Variants in BCAR3 observed in about 807,000 individuals in gnomAD.
The protein encoded by BCAR3 is breast cancer anti-estrogen resistance protein 3.
Under a neutral mutation model 80.1 loss-of-function variants are expected in BCAR3, and 37 were observed. That is an observed-to-expected ratio of 0.46 (90% confidence interval 0.36 to 0.61). The LOEUF is 0.61. BCAR3 is among the 20% of genes least tolerant of loss of function. The pLI is 0.00. For synonymous variants in BCAR3, 389 were observed against 418.9 expected (o/e 0.93, Z 0.87); for missense variants, 978 against 1,068.2 (o/e 0.92, Z 1.18).
At chr1:93,844,995 A>G (rs1395933297) in intron 2 of BCAR3, among the ~76,000 whole-genome samples, 6 of 152,198 alleles carry the variant, frequency 3.9e-5, no homozygotes, top group Non-Finnish European at 7.3e-5. Flanking sequence ...TTTCCATGAT[A>G]CAGGAATTTT....
At chr1:93,617,293 G>C (rs1232248781) in intron 3 of BCAR3, among the ~76,000 whole-genome samples, 2 of 152,186 alleles carry the variant, frequency 1.3e-5, no homozygotes, top group Non-Finnish European at 2.9e-5. Flanking sequence ...AGGGCATGGA[G>C]GGAGATGGCA....
chr1:93,737,158 G>T (rs189922093), intron 2 of BCAR3, among the ~76,000 whole-genome samples: 1 of 152,308 alleles, frequency 6.6e-6, no homozygotes, highest in East Asian at 1.9e-4. Context: ...AGCAATGTAT[G>T]AATTGGAGAG....
intron 2 of BCAR3, among the ~76,000 whole-genome samples, chr1:93,707,331 A>C (rs940543158): frequency 1.3e-5 from 2 of 152,242 alleles, no homozygotes; most frequent in African/African-American, 2.4e-5. Context: ...GAAGTACAGT[A>C]ATTAAATAAA....
At chr1:93,607,921 A>G (rs1278811214) in intron 3 of BCAR3, among the ~76,000 whole-genome samples, 2 of 152,160 alleles carry the variant, frequency 1.3e-5, no homozygotes, top group Non-Finnish European at 2.9e-5. Context: ...TTCGGGCGGA[A>G]TGTTCACCTC....
chr1:93,609,721 C>T (rs1466006111), intron 3 of BCAR3, among the ~76,000 whole-genome samples: 1 of 152,240 alleles, frequency 6.6e-6, no homozygotes, highest in Non-Finnish European at 1.5e-5. Flanking sequence ...CCAGCGGCCA[C>T]TCCCTGTGCT....
At chr1:93,568,512 G>T (rs988165679) in intron 9 of BCAR3, among the ~76,000 whole-genome samples, 22 of 152,098 alleles carry the variant, frequency 1.4e-4, no homozygotes, top group African/African-American at 5.3e-4. Context: ...ATAGAAATCA[G>T]CATTATCATG....
intron 2 of BCAR3, among the ~76,000 whole-genome samples, chr1:93,646,950 TA>T (rs1403333258): frequency 6.6e-6 from 1 of 152,226 alleles, no homozygotes; most frequent in Non-Finnish European, 1.5e-5. Flanking sequence ...TGTAATGGAA[TA>T]AATGCTTACA....
chr1:93,794,275 A>G, intron 2 of BCAR3, among the ~76,000 whole-genome samples: 1 of 59,944 alleles, frequency 1.7e-5, no homozygotes, highest in Non-Finnish European at 2.7e-5. Flanking sequence ...TCCCATTATT[A>G]ATGTGTGGGA....
At chr1:93,819,682 G>A (rs1654145886) in intron 2 of BCAR3, among the ~76,000 whole-genome samples, 1 of 152,190 alleles carries the variant, frequency 6.6e-6, no homozygotes. Context: ...GCTGCTGGGT[G>A]CGAGTATCTT....
intron 2 of BCAR3, among the ~76,000 whole-genome samples, chr1:93,812,587 C>T (rs959402442): frequency 1.3e-5 from 2 of 152,244 alleles, no homozygotes; most frequent in African/African-American, 4.8e-5. Context: ...TCTACCCCAG[C>T]TCCTCTGAAA....
At chr1:93,641,682 A>C (rs1024575705) in intron 3 of BCAR3, among the ~76,000 whole-genome samples, 5 of 152,196 alleles carry the variant, frequency 3.3e-5, no homozygotes, top group Non-Finnish European at 7.4e-5. Flanking sequence ...CTAAGTACCT[A>C]ATATTACTAC....
In BCAR3 at chr1:93,584,071, T is replaced by C. The variant is rs763637477; in HGVS notation, c.980A>G (p.Asp327Gly). The change falls in exon 6 of 12, where the codon GAC becomes GGC. Residue 327 changes from aspartate (D) to glycine (G), a missense_variant. By Grantham distance (94) the Asp-to-Gly change is moderately conservative. Transcript: ENST00000260502. ...GGCTTTGAGGGACAAGGCTCTTCTG[T>C]CCTGCATGTGATCCAGGCAGGCGGG... is the stretch of plus-strand genomic sequence containing the variant. ...SQPACLDHMQ[D>G]RRALSLKAHQ... The C allele has an allele frequency of 7.4e-6, 12 of 1,614,070 alleles. No homozygotes were observed. In the African/African-American group the frequency reaches 1.5e-4, roughly 20 times the overall value.
Position 93,567,410 on chromosome 1 carries a change from G to A in BCAR3, c.2168C>T (p.Thr723Ile). 6.2e-7 allele frequency: 1 copy of A among 1,609,780 alleles called. No homozygotes were observed. The highest frequency in any genetic ancestry group is 8.5e-7 in the Non-Finnish European group (1 of 1,177,750). ...LVTLMERQAV[T>I]FEGTDMWEKN... ...TTCCCACATGTCGGTTCCTTCAAAA[G>A]TCACAGCCTGGCGCTCCATTAACGT... Residue 723 changes from threonine (T) to isoleucine (I), a missense_variant, in exon 11 of 12, where the codon ACT becomes ATT. Thr to Ile is a moderately conservative substitution (Grantham distance 89). Coordinates refer to ENST00000260502, the MANE Select transcript of BCAR3 (RefSeq NM_003567.4).
intron 3 of BCAR3, among the ~76,000 whole-genome samples, chr1:93,629,041 T>C (rs1474055463): frequency 6.6e-6 from 1 of 152,234 alleles, no homozygotes; most frequent in Non-Finnish European, 1.5e-5. Flanking sequence ...ATACGTTTAA[T>C]ATGGAATGAT....
At chr1:93,655,082 G>A (rs889870862) in intron 2 of BCAR3, among the ~76,000 whole-genome samples, 8 of 152,132 alleles carry the variant, frequency 5.3e-5, no homozygotes, top group Non-Finnish European at 7.3e-5. Context: ...AAACCTAAGC[G>A]CAGCGTTCGG....
intron 2 of BCAR3, among the ~76,000 whole-genome samples, chr1:93,833,331 G>A (rs2100837345): frequency 6.6e-6 from 1 of 152,240 alleles, no homozygotes; most frequent in South Asian, 2.1e-4. Flanking sequence ...CAAGGCCAGG[G>A]CAAAATTAGA....
chr1:93,657,477 G>C (rs1353103343), intron 2 of BCAR3, among the ~76,000 whole-genome samples: 1 of 152,028 alleles, frequency 6.6e-6, no homozygotes, highest in Non-Finnish European at 1.5e-5. Context: ...GTCAGTAAAA[G>C]AAAAGCATAG....
At chr1:93,810,675 G>A (rs1015463119) in intron 2 of BCAR3, among the ~76,000 whole-genome samples, 7 of 152,180 alleles carry the variant, frequency 4.6e-5, no homozygotes, top group East Asian at 3.8e-4. Flanking sequence ...TGTCACCCGT[G>A]CCCAGATAGT....
At chr1:93,840,591 G>T (rs1003986958) in intron 2 of BCAR3, among the ~76,000 whole-genome samples, 2 of 152,154 alleles carry the variant, frequency 1.3e-5, no homozygotes, top group East Asian at 3.9e-4. Context: ...AAAAGGCAGA[G>T]ATGTCATTCT....
Sources: gnomAD v4.1 joint callset for allele counts (sites outside exome capture counted in the v4.1 genomes callset) on GRCh38, gnomAD v4.1.1 for gene constraint, MANE v1.5 for transcripts, NCBI Gene and HGNC (gene_info 2026-07-23, HGNC 2026-07-21) for gene names.